The following OSBPL3 variants were observed in gnomAD, a reference collection of about 807,000 sequenced individuals.
OSBPL3 encodes the protein oxysterol binding protein like 3.
Under a neutral mutation model 120.1 loss-of-function variants are expected in OSBPL3, and 65 were observed. That is an observed-to-expected ratio of 0.54 (90% CI 0.44 to 0.67). OSBPL3 has a LOEUF of 0.67. Among genes scored for constraint, OSBPL3 ranks in the 30% least tolerant of loss-of-function variants. The probability of loss-of-function intolerance (pLI) is 0.00; values close to 1 mark genes in which losing one functional copy is unlikely to be tolerated. For missense variants in OSBPL3, 1,004 were observed against 1,082.1 expected (o/e 0.93, Z 1.01); for synonymous variants, 416 against 402.6 (o/e 1.03, Z -0.40).
rs1314924784 is a variant in OSBPL3, at chr7:24,796,803, G to A, written c.*3380C>T. 1.3e-5 allele frequency: 2 copies of A among 152,230 alleles called. No homozygotes were observed. Among genetic ancestry groups the A allele is most frequent in the Admixed American group, 1.3e-4 (2 of 15,292 alleles). 9.4% of individuals were successfully genotyped at this position (152,230 alleles called of 1,614,324 possible). ...AATGGTTTGCACTTTAGACTGTCAT[G>A]ATTTGCAGATATTTACATGACGCAG... is the stretch of plus-strand genomic sequence containing the variant. On this transcript the variant is annotated 3_prime_UTR_variant, in exon 23 of 23. Transcript: ENST00000313367. The surrounding 1 kb of genome is among the most constrained non-coding windows in gnomAD (Gnocchi z 5.2).
chr7:24,974,347 G>A (rs938993471), intron 1 of OSBPL3, among the ~76,000 whole-genome samples: 1 of 152,180 alleles, frequency 6.6e-6, no homozygotes, highest in African/African-American at 2.4e-5. Context: ...TTAACAGTTC[G>A]TTTGTTCAAA....
intron 13 of OSBPL3, among the ~76,000 whole-genome samples, chr7:24,841,330 A>T: frequency 6.6e-6 from 1 of 151,842 alleles, no homozygotes; most frequent in African/African-American, 2.4e-5. Flanking sequence ...ATTATAAATC[A>T]ATATGTCAAA....
chr7:24,803,922 C>T lies in OSBPL3; in HGVS notation c.2567+393G>A, dbSNP rs1792693566. Among the ~76,000 whole-genome samples, 1 of 152,144 alleles carries T rather than the reference C, an allele frequency of 6.6e-6. No homozygotes were observed. Among genetic ancestry groups the T allele is most frequent in the South Asian group, 2.1e-4 (1 of 4,822 alleles). On this transcript the variant is annotated intron_variant, in intron 22 of 22. Coordinates refer to ENST00000313367, the MANE Select transcript of OSBPL3 (RefSeq NM_015550.4). The surrounding 1 kb of genome is among the most constrained non-coding windows in gnomAD (Gnocchi z 4.2). ...CCATACTGCTTAACTGTGGAGTGATCGTGAATGATCTCTGTCATGGTGTAA... is the reference window on the plus strand; with the variant it reads ...CCATACTGCTTAACTGTGGAGTGATTGTGAATGATCTCTGTCATGGTGTAA...
At chr7:24,941,870 C>A (rs894979898) in intron 1 of OSBPL3, among the ~76,000 whole-genome samples, 1 of 152,176 alleles carries the variant, frequency 6.6e-6, no homozygotes, top group Non-Finnish European at 1.5e-5. Flanking sequence ...GCCAACTCAA[C>A]CTTCCTTTCC....
At position 24,851,926 on chromosome 7, in the gene OSBPL3, G is replaced by C. The variant is rs762964228; in HGVS notation, c.1158+578C>G. Among the ~76,000 whole-genome samples, 1 of 152,184 alleles carries C rather than the reference G, an allele frequency of 6.6e-6. No homozygotes were observed. Among genetic ancestry groups the C allele is most frequent in the Non-Finnish European group, 1.5e-5 (1 of 68,038 alleles). ...TGAAGGTATAGTGATTGCCTGACAG[G>C]CACTTTCATGTGACTCATCTCTTTG... On this transcript the variant is annotated intron_variant, in intron 11 of 22. Coordinates refer to ENST00000313367, the MANE Select transcript of OSBPL3 (RefSeq NM_015550.4). This position sits in a 1 kb window ranked among gnomAD's most constrained non-coding sequence, Gnocchi z 4.1.
At position 24,955,371 on chromosome 7, in the gene OSBPL3, A is replaced by G. The variant is rs2128505103; in HGVS notation, c.-150+24515T>C. 6.6e-6 allele frequency among the ~76,000 whole-genome samples: 1 copy of G among 152,324 alleles called. No individual in the cohort carries two copies. Among genetic ancestry groups the G allele is most frequent in the South Asian group, 2.1e-4 (1 of 4,822 alleles). On this transcript the variant is annotated intron_variant, in intron 1 of 22. Transcript: ENST00000313367. This position sits in a 1 kb window ranked among gnomAD's most constrained non-coding sequence, Gnocchi z 4.3. ...AACAAAAATATACTGAGCACTTACA[A>G]TGCGCTGGGAATTTTTCCAGTGCTG... is the stretch of plus-strand genomic sequence containing the variant.
At chr7:24,980,386 A>C (rs1391080657), upstream of OSBPL3, among the ~76,000 whole-genome samples, 1 of 151,776 alleles carries the variant, frequency 6.6e-6, no homozygotes, top group Non-Finnish European at 1.5e-5. Flanking sequence ...CGGCGGGGGA[A>C]CTAGGGACCC....
Position 24,871,198 on chromosome 7 carries a change from T to C in OSBPL3, c.268-353A>G, listed in dbSNP as rs757981327. Among the ~76,000 whole-genome samples the C allele has an allele frequency of 5.9e-5, 9 of 152,168 alleles. No individual in the cohort carries two copies. Among genetic ancestry groups the C allele is most frequent in the Non-Finnish European group, 1.0e-4 (7 of 68,034 alleles). ...TGTACCACCTCCCACTGAATGAGTT[T>C]CTGGTGTCTAAATTCATTTAGAAGT... On this transcript the variant is annotated intron_variant, in intron 4 of 22. Transcript: ENST00000313367. The surrounding 1 kb of genome is among the most constrained non-coding windows in gnomAD (Gnocchi z 4.8).
In OSBPL3 at chr7:24,809,860, T is replaced by C. The variant is rs139072875; in HGVS notation, c.2264A>G (p.His755Arg). The C allele has an allele frequency of 2.4e-3, 3,912 of 1,614,164 alleles. 99 individuals are homozygous for C. The highest frequency in any genetic ancestry group is 2.6e-4 in the Non-Finnish European group (304 of 1,180,032). Residue 755 changes from histidine (H) to arginine (R), a missense_variant, in exon 20 of 23, where the codon CAT (histidine) becomes CGT (arginine). Physicochemically the swap from His to Arg is conservative, Grantham distance 29. Transcript: ENST00000313367. The part of the protein sequence containing the change: ...KAVHRLFGKW[H>R]ESIYCGGGSS... ...GCCGCCGCCACAGTAGATGCTTTCA[T>C]GCCATTTCCCAAACAGCCGATGAAC...
chr7:24,925,203 C>T (rs984809948), intron 1 of OSBPL3, among the ~76,000 whole-genome samples: 1 of 152,160 alleles, frequency 6.6e-6, no homozygotes, highest in Non-Finnish European at 1.5e-5. Context: ...ACAGGCCTAC[C>T]GCTGTGATAA....
rs929322711 is a variant in OSBPL3 at position 24,807,361 on chromosome 7, C to T, written c.2318-459G>A. On this transcript the variant is annotated intron_variant, in intron 20 of 22. Coordinates refer to ENST00000313367, the MANE Select transcript of OSBPL3 (RefSeq NM_015550.4). Reference sequence around the variant, plus strand: ...TACAAAACTTAGCCAGGCATGGTCTCGGGCGCCTGTAATTCCAGCTACTTG... The same window carrying T: ...TACAAAACTTAGCCAGGCATGGTCTTGGGCGCCTGTAATTCCAGCTACTTG... Among the ~76,000 whole-genome samples, 8 of 152,008 alleles carry T rather than the reference C, an allele frequency of 5.3e-5. No homozygotes were observed. In the East Asian group the frequency reaches 7.7e-4, roughly 15 times the overall value.
intron 13 of OSBPL3, among the ~76,000 whole-genome samples, chr7:24,841,065 T>G (rs1260635483): frequency 6.6e-6 from 1 of 152,198 alleles, no homozygotes; most frequent in Non-Finnish European, 1.5e-5. Flanking sequence ...GACTGCATTT[T>G]TAGAATTTAT....
rs1227970066 is a variant in OSBPL3, at chr7:24,809,954, A to G, written c.2173-3T>C. 1.9e-6 allele frequency: 3 copies of G among 1,614,022 alleles called. No homozygotes were observed. In the African/African-American group the frequency reaches 4.0e-5, roughly 22 times the overall value. The stretch of plus-strand genomic sequence containing the variant: ...GCATTAGTGCTCCAGTATTTTGCCT[A>G]GGATTCAAATGAGTTGTTGGCTTAG... On this transcript the variant is annotated splice_region_variant and splice_polypyrimidine_tract_variant and intron_variant, in intron 19 of 22. Transcript: ENST00000313367.
intron 1 of OSBPL3, among the ~76,000 whole-genome samples, chr7:24,931,957 C>T (rs116170489): frequency 4.3e-4 from 65 of 152,308 alleles, no homozygotes; most frequent in African/African-American, 1.6e-3. Context: ...CTCATCCTCA[C>T]TCTCCCACAT....
Position 24,827,294 on chromosome 7 carries a change from C to G in OSBPL3, c.1884+3474G>C, listed in dbSNP as rs1795824776. On this transcript the variant is annotated intron_variant, in intron 16 of 22. Transcript: ENST00000313367. This position sits in a 1 kb window ranked among gnomAD's most constrained non-coding sequence, Gnocchi z 5.1. ...GGGCTGGAGGCAGAAAGAGCCATACCAGGTACCAGCAGGAAACAGAATAAA... is the reference window on the plus strand; with the variant it reads ...GGGCTGGAGGCAGAAAGAGCCATACGAGGTACCAGCAGGAAACAGAATAAA... Among the ~76,000 whole-genome samples the G allele has an allele frequency of 2.0e-5, 3 of 152,200 alleles. No individual in the cohort carries two copies. The highest frequency in any genetic ancestry group is 1.9e-4 in the East Asian group (1 of 5,196).
Position 24,896,619 on chromosome 7 carries a change from A to T in OSBPL3, c.-149-3998T>A, listed in dbSNP as rs909528001. On this transcript the variant is annotated intron_variant, in intron 1 of 22. Transcript: ENST00000313367. The surrounding 1 kb of genome is among the most constrained non-coding windows in gnomAD (Gnocchi z 4.4). ...CAATTTGGGAAAAGATGTAAAGGTG[A>T]CATCACATACTATATATGTGTGCTG... 6.6e-6 allele frequency among the ~76,000 whole-genome samples: 1 copy of T among 152,264 alleles called. No homozygotes were observed. Among genetic ancestry groups the T allele is most frequent in the African/African-American group, 2.4e-5 (1 of 41,472 alleles).
intron 12 of OSBPL3, among the ~76,000 whole-genome samples, chr7:24,843,192 G>T (rs1316532848): frequency 2.0e-5 from 3 of 149,782 alleles, no homozygotes; most frequent in Non-Finnish European, 4.5e-5. Context: ...TTTGTGGACT[G>T]AATGAATGGT....
At chr7:24,884,242 C>T (rs572061123) in intron 2 of OSBPL3, among the ~76,000 whole-genome samples, 1 of 152,284 alleles carries the variant, frequency 6.6e-6, no homozygotes, top group Admixed American at 6.5e-5. Context: ...GAATTAACTT[C>T]TGAAGAAGTC....
At chr7:24,960,395 T>TA (rs1815586078) in intron 1 of OSBPL3, among the ~76,000 whole-genome samples, 1 of 152,134 alleles carries the variant, frequency 6.6e-6, no homozygotes, top group Non-Finnish European at 1.5e-5. Flanking sequence ...CTTTGGAGAT[T>TA]AAAAATAGGA....
Sources: gnomAD v4.1 joint callset for allele counts (sites outside exome capture counted in the v4.1 genomes callset) on GRCh38, gnomAD v4.1.1 for gene constraint, Gnocchi (gnomAD v3.1) non-coding constraint, MANE v1.5 for transcripts, NCBI Gene and HGNC (gene_info 2026-07-23, HGNC 2026-07-21) for gene names.